The following NRXN1 variants were observed in gnomAD, a reference collection of about 807,000 sequenced individuals.
NRXN1 encodes the protein neurexin 1, also known as neurexin-1.
In NRXN1, 39 loss-of-function variants were observed where a neutral mutation model predicts 150.9. The observed-to-expected ratio is 0.26, with a 90% CI of 0.20 to 0.34. The LOEUF is 0.34. Among genes scored for constraint, NRXN1 ranks in the 10% least tolerant of loss-of-function variants. The probability of loss-of-function intolerance (pLI) is 1.00; values close to 1 mark genes in which losing one functional copy is unlikely to be tolerated. For synonymous variants in NRXN1, 924 were observed against 757.0 expected, an observed-to-expected ratio of 1.22 and a Z score of -3.62; for missense variants, 1,815 against 1,949.9, an observed-to-expected ratio of 0.93 and a Z score of 1.30.
At chr2:50,741,270 A>G (rs1479160083) in intron 5 of NRXN1, among the ~76,000 whole-genome samples, 1 of 150,476 alleles carries the variant, frequency 6.6e-6, no homozygotes, top group Non-Finnish European at 1.5e-5. Context: ...CTATTAATAA[A>G]TATCTATTTC....
At chr2:50,968,220 A>C (rs545847151) in intron 2 of NRXN1, among the ~76,000 whole-genome samples, 14 of 152,166 alleles carry the variant, frequency 9.2e-5, no homozygotes, top group African/African-American at 3.1e-4. Context: ...ATTTTGGTAC[A>C]TGATCCAATC....
chr2:50,792,980 T>C (rs1706269209), intron 5 of NRXN1, among the ~76,000 whole-genome samples: 2 of 152,062 alleles, frequency 1.3e-5, no homozygotes, highest in African/African-American at 2.4e-5. Context: ...TCACATTAAT[T>C]GATAGTCTAC....
At chr2:50,990,152 T>A (rs1698330672) in intron 2 of NRXN1, among the ~76,000 whole-genome samples, 1 of 152,004 alleles carries the variant, frequency 6.6e-6, no homozygotes, top group South Asian at 2.1e-4. Context: ...TTTTACATTG[T>A]GTTCATTAAC....
At chr2:51,014,672 G>A (rs553814857) in intron 2 of NRXN1, among the ~76,000 whole-genome samples, 7 of 152,046 alleles carry the variant, frequency 4.6e-5, no homozygotes, top group East Asian at 3.9e-4. Context: ...CAGGATTTAC[G>A]CAGCTATGAT....
intron 18 of NRXN1, among the ~76,000 whole-genome samples, chr2:50,219,664 A>T (rs1041656781): frequency 6.6e-6 from 1 of 151,104 alleles, no homozygotes; most frequent in Non-Finnish European, 1.5e-5. Flanking sequence ...AGGCAGGAGG[A>T]TCGCTTGAGC....
intron 18 of NRXN1, among the ~76,000 whole-genome samples, chr2:50,215,403 A>G (rs1382075073): frequency 2.0e-5 from 3 of 152,078 alleles, no homozygotes. Flanking sequence ...TCATATTAAC[A>G]TGACCTGCTA....
chr2:50,512,410 A>C (rs986811454), intron 12 of NRXN1, among the ~76,000 whole-genome samples: 4 of 151,928 alleles, frequency 2.6e-5, no homozygotes, highest in Admixed American at 2.0e-4. Flanking sequence ...TTTTGACAAC[A>C]TGTAATTATG....
At chr2:50,745,391 C>T (rs1699902716) in intron 5 of NRXN1, among the ~76,000 whole-genome samples, 1 of 144,296 alleles carries the variant, frequency 6.9e-6, no homozygotes, top group Non-Finnish European at 1.5e-5. Flanking sequence ...CCTTCCCTTC[C>T]TCTCCCTTCC....
At chr2:50,843,030 AG>A (rs1673103963) in intron 5 of NRXN1, among the ~76,000 whole-genome samples, 1 of 152,194 alleles carries the variant, frequency 6.6e-6, no homozygotes, top group African/African-American at 2.4e-5. Context: ...GTAAAGAAAA[AG>A]TCTATGTGTA....
At chr2:50,994,108 T>C (rs1373808263) in intron 2 of NRXN1, among the ~76,000 whole-genome samples, 2 of 151,980 alleles carry the variant, frequency 1.3e-5, no homozygotes, top group African/African-American at 4.8e-5. Flanking sequence ...AAGATAGGGA[T>C]TGTCATTGTC....
At chr2:50,381,711 G>A (rs999339877) in intron 17 of NRXN1, among the ~76,000 whole-genome samples, 7 of 151,960 alleles carry the variant, frequency 4.6e-5, no homozygotes, top group Admixed American at 1.3e-4. Context: ...TACTTTCAAT[G>A]GCAAAAACTG....
intron 17 of NRXN1, among the ~76,000 whole-genome samples, chr2:50,322,599 T>C (rs1423093771): frequency 2.6e-5 from 4 of 152,172 alleles, no homozygotes; most frequent in African/African-American, 9.7e-5. Context: ...TGAGGATGAG[T>C]AGAGACAGAA....
intron 17 of NRXN1, among the ~76,000 whole-genome samples, chr2:50,323,560 C>T (rs79874915): frequency 0.037 from 5,361 of 146,784 alleles, 322 homozygotes; most frequent in African/African-American, 0.13. Flanking sequence ...ACGCAAGTTT[C>T]GGGAAATAAA....
intron 18 of NRXN1, among the ~76,000 whole-genome samples, chr2:50,157,567 C>T (rs530631606): frequency 6.6e-6 from 1 of 151,942 alleles, no homozygotes; most frequent in East Asian, 1.9e-4. Context: ...TGAATAAATG[C>T]CCTGAGCTGT....
At chr2:50,167,655 C>G (rs1163103633) in intron 18 of NRXN1, among the ~76,000 whole-genome samples, 1 of 152,072 alleles carries the variant, frequency 6.6e-6, no homozygotes, top group African/African-American at 2.4e-5. Flanking sequence ...ATTTACAACT[C>G]TTTTCCACTA....
At chr2:50,822,521 T>C (rs1034576330) in intron 5 of NRXN1, among the ~76,000 whole-genome samples, 3 of 152,192 alleles carry the variant, frequency 2.0e-5, no homozygotes, top group East Asian at 1.9e-4. Context: ...ACTCATCTGA[T>C]GCAGTTAGCC....
At chr2:50,568,895 T>A (rs1670247902) in intron 8 of NRXN1, among the ~76,000 whole-genome samples, 1 of 152,146 alleles carries the variant, frequency 6.6e-6, no homozygotes, top group African/African-American at 2.4e-5. Flanking sequence ...GCAACCTAAG[T>A]GTCCACCAAC....
intron 5 of NRXN1, among the ~76,000 whole-genome samples, chr2:50,888,969 T>C (rs750519802): frequency 1.3e-5 from 2 of 151,738 alleles, no homozygotes; most frequent in Admixed American, 6.6e-5. Flanking sequence ...TTTGGAAATA[T>C]CAGATTATAA....
Position 50,236,828 on chromosome 2 carries a change from G to A in NRXN1, c.3507C>T (p.Asp1169=), listed in dbSNP as rs1361161256. The change falls in exon 18 of 23, where the codon GAC becomes GAT. Residue 1169 remains aspartate, a synonymous_variant. Coordinates refer to ENST00000401669, the MANE Select transcript of NRXN1 (RefSeq NM_001330078.2). ...GGTAGTCACCCAAGCCTGAAGAACT[G>A]TCCACTCGCACCAATACGGCTTCTT... ...VQKEAVLVRV[D]SSSGLGDYLE... 2 of 1,613,272 alleles carry A rather than the reference G, an allele frequency of 1.2e-6. No homozygotes were observed. The highest frequency in any genetic ancestry group is 4.5e-5 in the East Asian group (2 of 44,730).
Sources: allele counts gnomAD v4.1 joint callset (sites outside exome capture counted in the v4.1 genomes callset), GRCh38; gene constraint gnomAD v4.1.1; transcripts MANE v1.5; gene names NCBI Gene and HGNC (gene_info 2026-07-23, HGNC 2026-07-21).